Variants in ELF1 observed in about 807,000 individuals in gnomAD.
ELF1 encodes the protein ETS-related transcription factor Elf-1.
In ELF1, 24 loss-of-function variants were observed where a neutral mutation model predicts 59.9. The observed-to-expected ratio is 0.40, with a 90% confidence interval of 0.29 to 0.56. The LOEUF (loss-of-function observed/expected upper bound fraction) is 0.56. ELF1 is among the 20% of genes least tolerant of loss of function. The pLI, the probability that ELF1 is intolerant of heterozygous loss-of-function variation, is 0.44. For missense variants in ELF1, 627 were observed against 742.2 expected (o/e 0.84, Z 1.80); for synonymous variants, 248 against 266.2 (o/e 0.93, Z 0.67).
chr13:41,049,734 T>A (rs9594483), intron 1 of ELF1, among the ~76,000 whole-genome samples: 48,418 of 151,950 alleles, frequency 0.32, 9,865 homozygotes, highest in Admixed American at 0.47. Flanking sequence ...GTCATGTCCT[T>A]AGGGAAGCCT....
intron 2 of ELF1, among the ~76,000 whole-genome samples, chr13:40,973,874 C>T (rs1872738919): frequency 6.6e-6 from 1 of 152,030 alleles, no homozygotes; most frequent in Admixed American, 6.6e-5. Flanking sequence ...CACAGATGAA[C>T]CTTGATAACA....
chr13:40,945,449 A>T (rs2138142177), intron 5 of ELF1, among the ~76,000 whole-genome samples: 1 of 152,284 alleles, frequency 6.6e-6, no homozygotes, highest in South Asian at 2.1e-4. Context: ...TAAAAAAAAA[A>T]TCAATCCTCT....
At chr13:41,042,316 A>G (rs2324779) in intron 1 of ELF1, among the ~76,000 whole-genome samples, 1 of 146,096 alleles carries the variant, frequency 6.8e-6, no homozygotes, top group African/African-American at 2.6e-5. Flanking sequence ...TTTTTTTTTT[A>G]TTATTATTAT....
chr13:40,933,344 T>C lies in ELF1; in HGVS notation c.*81A>G. Reference sequence around the variant, plus strand: ...TACAAAATTAGAAACCTCCTTAGAATTTATCTTAGAATCAGTCAGTCTGCA... The same window carrying C: ...TACAAAATTAGAAACCTCCTTAGAACTTATCTTAGAATCAGTCAGTCTGCA... On this transcript the variant is annotated 3_prime_UTR_variant, in exon 9 of 9. Coordinates refer to ENST00000239882, the MANE Select transcript of ELF1 (RefSeq NM_172373.4). The C allele has an allele frequency of 6.7e-7, 1 of 1,500,374 alleles. No individual in the cohort carries two copies. The highest frequency in any genetic ancestry group is 8.9e-7 in the Non-Finnish European group (1 of 1,121,038). The allele number at this position is 1,500,374 out of a possible 1,614,324, so 92.9% of individuals were successfully genotyped here.
chr13:40,954,740 T>G (rs1360900614), intron 3 of ELF1, among the ~76,000 whole-genome samples: 5 of 151,644 alleles, frequency 3.3e-5, no homozygotes, highest in African/African-American at 1.2e-4. Context: ...GGAGTCGCGT[T>G]CACTCAGTGC....
At chr13:40,987,924 A>G (rs1873644977) in intron 1 of ELF1, among the ~76,000 whole-genome samples, 1 of 152,202 alleles carries the variant, frequency 6.6e-6, no homozygotes. Flanking sequence ...CAATATTCGG[A>G]AAAACCATTG....
intron 1 of ELF1, among the ~76,000 whole-genome samples, chr13:40,988,123 A>G (rs1302789743): frequency 6.6e-6 from 1 of 152,218 alleles, no homozygotes; most frequent in Admixed American, 6.5e-5. Context: ...AAGGCTCTAT[A>G]TTAGCTCCCA....
chr13:40,986,536 C>T (rs1873555820), intron 1 of ELF1, among the ~76,000 whole-genome samples: 2 of 152,206 alleles, frequency 1.3e-5, no homozygotes, highest in South Asian at 2.1e-4. Flanking sequence ...TAGCTATTTG[C>T]TAGACTCCAG....
chr13:41,045,565 A>G (rs1392231139), intron 1 of ELF1, among the ~76,000 whole-genome samples: 4 of 152,178 alleles, frequency 2.6e-5, no homozygotes, highest in East Asian at 3.8e-4. Context: ...GTCATTCAGG[A>G]GCAGGTTGTT....
At chr13:40,973,901 G>T (rs1327193116) in intron 2 of ELF1, among the ~76,000 whole-genome samples, 2 of 152,164 alleles carry the variant, frequency 1.3e-5, no homozygotes. Context: ...CAAAGTAAAA[G>T]AAGCCAGTCG....
rs530100763 is a variant in ELF1, at chr13:41,010,636, T to A, written c.-229+8592A>T. Among the ~76,000 whole-genome samples the A allele has an allele frequency of 5.3e-5, 8 of 152,264 alleles. No individual in the cohort carries two copies. The East Asian group carries it at 1.5e-3, about 29-fold the overall frequency. On this transcript the variant is annotated intron_variant, in intron 1 of 8. Transcript: ENST00000239882. ...GAGGTTAATTAGTAAAATATATGCATATAATTTATGAATAGTTTTTATTTT... is the reference window on the plus strand; with the variant it reads ...GAGGTTAATTAGTAAAATATATGCAAATAATTTATGAATAGTTTTTATTTT...
At chr13:40,983,265 C>T (rs1229418465) in intron 1 of ELF1, among the ~76,000 whole-genome samples, 1 of 152,078 alleles carries the variant, frequency 6.6e-6, no homozygotes, top group Non-Finnish European at 1.5e-5. Flanking sequence ...TTATTACAAA[C>T]ACTTTAAAAA....
intron 1 of ELF1, chr13:40,992,978 G>T: frequency 9.6e-7 from 1 of 1,042,432 alleles, no homozygotes. Context: ...CTTTCTTTAA[G>T]TCTTCACAGG....
At chr13:40,989,009 G>T (rs899871257) in intron 1 of ELF1, among the ~76,000 whole-genome samples, 3 of 152,154 alleles carry the variant, frequency 2.0e-5, no homozygotes, top group Non-Finnish European at 2.9e-5. Context: ...TGTTGCCCAA[G>T]GTGGCCTCGA....
chr13:40,985,341 A>G (rs1873497480), intron 1 of ELF1, among the ~76,000 whole-genome samples: 1 of 152,220 alleles, frequency 6.6e-6, no homozygotes, highest in East Asian at 1.9e-4. Flanking sequence ...TTTCAGTAAC[A>G]GACAAGACTG....
At chr13:41,033,578 C>G (rs1278021349) in intron 1 of ELF1, among the ~76,000 whole-genome samples, 2 of 152,192 alleles carry the variant, frequency 1.3e-5, no homozygotes, top group East Asian at 3.8e-4. Context: ...CGAGCATCAC[C>G]ACCTGAGTTC....
intron 2 of ELF1, among the ~76,000 whole-genome samples, chr13:40,959,662 G>T (rs1871689296): frequency 6.6e-6 from 1 of 152,050 alleles, no homozygotes; most frequent in Non-Finnish European, 1.5e-5. Flanking sequence ...TTGGCACAAA[G>T]GCTGTGTTTT....
chr13:40,955,710 T>C (rs935144320), intron 3 of ELF1, among the ~76,000 whole-genome samples: 1 of 119,606 alleles, frequency 8.4e-6, no homozygotes. Context: ...AGCCGCCCCA[T>C]CCGGGAGGGA....
chr13:41,020,035 T>G (rs184737870), upstream of ELF1, among the ~76,000 whole-genome samples: 1,143 of 152,338 alleles, frequency 7.5e-3, 55 homozygotes, highest in Admixed American at 0.064. Context: ...ATAACTCTAC[T>G]ACTTCCAAAT....
Sources: gnomAD v4.1 joint callset for allele counts (sites outside exome capture counted in the v4.1 genomes callset) on GRCh38, gnomAD v4.1.1 for gene constraint, MANE v1.5 for transcripts, NCBI Gene and HGNC (gene_info 2026-07-23, HGNC 2026-07-21) for gene names.